GBP5: variants seen among roughly 807,000 people sequenced by gnomAD.
GBP5 encodes the protein guanylate binding protein 5.
GBP5 carries 48 observed loss-of-function variants against 58.2 expected under a neutral mutation model. The ratio of observed to expected loss-of-function variants is 0.83; its 90% CI spans 0.65 to 1.05. The LOEUF (loss-of-function observed/expected upper bound fraction) is 1.05, where lower values mean the gene tolerates loss of function less well. Ranked by LOEUF, GBP5 falls within the 50% of genes least tolerant of loss-of-function variation. The pLI is 0.00. For missense variants in GBP5, 714 were observed against 686.8 expected, an observed-to-expected ratio of 1.04 and a Z score of -0.44; for synonymous variants, 248 against 251.8, an observed-to-expected ratio of 0.98 and a Z score of 0.14.
In GBP5 at chr1:89,263,636, C is replaced by A; in HGVS notation, c.1362+100G>T. The A allele has an allele frequency of 5.3e-6, 4 of 751,910 alleles. No individual in the cohort carries two copies. In the South Asian group the frequency reaches 6.2e-5, roughly 12 times the overall value. The allele number at this position is 751,910 out of a possible 1,614,324, so 46.6% of individuals were successfully genotyped here. ...GATTACTACTAGACAGAGACATAAACCTCATCTGTGTGCCTGTATACATGG... is the reference window on the plus strand; with the variant it reads ...GATTACTACTAGACAGAGACATAAAACTCATCTGTGTGCCTGTATACATGG... On this transcript the variant is annotated intron_variant, in intron 9 of 11. Coordinates refer to ENST00000370459, the MANE Select transcript of GBP5 (RefSeq NM_052942.5).
At chr1:89,265,031 T>C (rs991221921) in intron 7 of GBP5, 65 bp from the exon 8 acceptor site, 1 of 1,456,028 alleles carries the variant, frequency 6.9e-7, no homozygotes, top group Non-Finnish European at 9.5e-7. Context: ...ATACAGTAAT[T>C]TCTGAGAACG....
At chr1:89,266,622 G>A (rs1251865475) in intron 6 of GBP5, 34 bp from the exon 7 acceptor site, 1 of 1,561,358 alleles carries the variant, frequency 6.4e-7, no homozygotes, top group Non-Finnish European at 8.7e-7. Flanking sequence ...ATTTAGCATA[G>A]ACTTTGCACT....
chr1:89,262,710 G>C lies in GBP5; in HGVS notation c.1438C>G (p.Leu480Val). ...SHAILQTDQA[L>V]TETEKKKKEA... ...TTCTTCTTTTTTTCCGTCTCTGTGA[G>C]AGCCTGGTCAGTCTGTAATATTGCA... Residue 480 changes from leucine (L) to valine (V), a missense_variant, in exon 10 of 12, where the codon CTC becomes GTC. Transcript: ENST00000370459. 9 of 1,607,676 alleles carry C rather than the reference G, an allele frequency of 5.6e-6. No homozygotes were observed. Among genetic ancestry groups the C allele is most frequent in the Non-Finnish European group, 7.7e-6 (9 of 1,176,026 alleles).
chr1:89,266,679 A>G, intron 6 of GBP5, 91 bp from the exon 7 acceptor site: 2 of 1,198,824 alleles, frequency 1.7e-6, no homozygotes, highest in South Asian at 1.5e-5. Flanking sequence ...ACCTGATGTC[A>G]CTTAGATTAA....
chr1:89,262,248 T>G lies in GBP5; in HGVS notation c.1619A>C (p.Gln540Pro). The G allele has an allele frequency of 6.2e-7, 1 of 1,614,218 alleles. No individual in the cohort carries two copies. Among genetic ancestry groups the G allele is most frequent in the Non-Finnish European group, 8.5e-7 (1 of 1,180,018 alleles). The change falls in exon 11 of 12, where the codon CAA (glutamine) becomes CCA (proline). Residue 540 changes from glutamine to proline, a missense_variant. Transcript: ENST00000370459. Reference sequence around the variant, plus strand: ...CATCTGTTGTTCCTGCATTTTCTGTTGCTCTGCCAGCCAATTTTGTTTGGC... The same window carrying G: ...CATCTGTTGTTCCTGCATTTTCTGTGGCTCTGCCAGCCAATTTTGTTTGGC... ...EIAKQNWLAE[Q>P]QKMQEQQMQE...
intron 8 of GBP5, 129 bp downstream of exon 8, chr1:89,264,557 G>T: frequency 2.6e-6 from 2 of 761,186 alleles, no homozygotes; most frequent in Non-Finnish European, 4.3e-6. Context: ...AATAAAAGTG[G>T]TGTCATGGCT....
In GBP5 at chr1:89,259,297, T is replaced by G. The variant is rs1373637643; in HGVS notation, c.*1407A>C. Reference sequence around the variant, plus strand: ...AAGAAAAGGCTTCTTCTTTAGCCCTTAAGCCTATGACACAATTTCCATGCT... The same window carrying G: ...AAGAAAAGGCTTCTTCTTTAGCCCTGAAGCCTATGACACAATTTCCATGCT... On this transcript the variant is annotated 3_prime_UTR_variant, in exon 12 of 12. Coordinates refer to ENST00000370459, the MANE Select transcript of GBP5 (RefSeq NM_052942.5). 1 of 152,216 alleles carries G rather than the reference T, an allele frequency of 6.6e-6. No homozygotes were observed. The highest frequency in any genetic ancestry group is 1.5e-5 in the Non-Finnish European group (1 of 68,032). The allele number at this position is 152,216 out of a possible 1,614,324, so 9.4% of individuals were successfully genotyped here.
At chr1:89,265,044 C>T (rs1398662089) in intron 7 of GBP5, 78 bp from the exon 8 acceptor site, 3 of 1,339,180 alleles carry the variant, frequency 2.2e-6, no homozygotes, top group Non-Finnish European at 3.1e-6. Flanking sequence ...TGAGAACGTA[C>T]ATTTAATAGT....
In GBP5 at chr1:89,257,146, T is replaced by A. The variant is rs1649813335; in HGVS notation, c.*3558A>T. 6.6e-6 allele frequency among the ~76,000 whole-genome samples: 1 copy of A among 152,182 alleles called. No individual in the cohort carries two copies. Among genetic ancestry groups the A allele is most frequent in the Admixed American group, 6.5e-5 (1 of 15,274 alleles). On this transcript the variant is annotated 3_prime_UTR_variant, in exon 12 of 12. Coordinates refer to ENST00000370459, the MANE Select transcript of GBP5 (RefSeq NM_052942.5). ...AAGAAATACTCAAGACTGGGTAATT[T>A]ATAAAGGAAAAGAGATGTAATGGAC... is the stretch of plus-strand genomic sequence containing the variant.
chr1:89,267,303 T>A (rs1650260415), intron 5 of GBP5, 114 bp downstream of exon 5: 2 of 977,492 alleles, frequency 2.0e-6, no homozygotes, highest in East Asian at 5.1e-5. Context: ...TCTTTGTACT[T>A]TCAATGTTTA....
rs1387242027 is a variant in GBP5, at chr1:89,262,239, A to G, written c.1628T>C (p.Met543Thr). The change falls in exon 11 of 12, where the codon ATG (methionine) becomes ACG (threonine). Residue 543 changes from methionine (M) to threonine (T), a missense_variant. By Grantham distance (81) the Met-to-Thr change is moderately conservative. Transcript: ENST00000370459. ...GAATACCTGCATCTGTTGTTCCTGC[A>G]TTTTCTGTTGCTCTGCCAGCCAATT... ...KQNWLAEQQK[M>T]QEQQMQEQAA... The G allele has an allele frequency of 1.9e-6, 3 of 1,613,976 alleles. No individual in the cohort carries two copies. Among genetic ancestry groups the G allele is most frequent in the East Asian group, 2.2e-5 (1 of 44,880 alleles).
Position 89,257,792 on chromosome 1 carries a change from A to C in GBP5, c.*2912T>G, listed in dbSNP as rs1422433568. ...TTTGTACTTGTTTCCTATTGCTGCT[A>C]TAACAAATTATTACTAATTTTGTGG... On this transcript the variant is annotated 3_prime_UTR_variant, in exon 12 of 12. Transcript: ENST00000370459. Among the ~76,000 whole-genome samples, 1 of 152,206 alleles carries C rather than the reference A, an allele frequency of 6.6e-6. No homozygotes were observed. The highest frequency in any genetic ancestry group is 2.4e-5 in the African/African-American group (1 of 41,446).
Position 89,264,711 on chromosome 1 carries a change from T to C in GBP5, c.1124A>G (p.Asp375Gly), listed in dbSNP as rs766185031. 5 of 1,613,992 alleles carry C rather than the reference T, an allele frequency of 3.1e-6. No individual in the cohort carries two copies. The highest frequency in any genetic ancestry group is 1.3e-5 in the African/African-American group (1 of 74,922). ...CTCCAATTCTTTCTGGAAACTTTGG[T>C]CTACATCCTTGAAAGAGTTTTTCAT... ...VFMKNSFKDV[D>G]QSFQKELETL... The change falls in exon 8 of 12, where the codon GAC becomes GGC. Residue 375 changes from aspartate to glycine, a missense_variant. Physicochemically the swap from Asp to Gly is moderately conservative, Grantham distance 94 (BLOSUM62 -1). Coordinates refer to ENST00000370459, the MANE Select transcript of GBP5 (RefSeq NM_052942.5).
rs1650113645 is a variant in GBP5, at chr1:89,263,968, C to G, written c.1150-20G>C. On this transcript the variant is annotated intron_variant, in intron 8 of 11. Coordinates refer to ENST00000370459, the MANE Select transcript of GBP5 (RefSeq NM_052942.5). ...TAGAGTCTTCAAAGAGACAAAAACCCATGGAAAAGATGTTAGCAATACTTC... is the reference window on the plus strand; with the variant it reads ...TAGAGTCTTCAAAGAGACAAAAACCGATGGAAAAGATGTTAGCAATACTTC... 2 of 1,419,840 alleles carry G rather than the reference C, an allele frequency of 1.4e-6. No homozygotes were observed. The highest frequency in any genetic ancestry group is 3.5e-5 in the Admixed American group (2 of 57,446). 88.0% of individuals were successfully genotyped at this position (1,419,840 alleles called of 1,614,324 possible).
rs1187137570 is a variant in GBP5, at chr1:89,260,825, GT to G, written c.1648-9del. 1 of 1,602,160 alleles carries G rather than the reference GT, an allele frequency of 6.2e-7. No homozygotes were observed. Among genetic ancestry groups the G allele is most frequent in the Non-Finnish European group, 8.6e-7 (1 of 1,169,558 alleles). On this transcript the variant is annotated splice_polypyrimidine_tract_variant and intron_variant, in intron 11 of 11. Coordinates refer to ENST00000370459, the MANE Select transcript of GBP5 (RefSeq NM_052942.5). ...GAGCTGTGCAGCCTGTTCCTAAAGA[GT>G]GATAAATAGAAAGTAAGATCAAGCT...
rs1372662624 is a variant in GBP5 at position 89,267,003 on chromosome 1, A to T, written c.579T>A (p.Leu193=). The T allele has an allele frequency of 6.2e-6, 10 of 1,612,132 alleles. No homozygotes were observed. The highest frequency in any genetic ancestry group is 7.6e-6 in the Non-Finnish European group (9 of 1,179,656). ...FCLGLEIDGQ[L]VTPDEYLENS... ...TCTCCAGGTATTCATCTGGTGTGAC[A>T]AGTTGCCCATCTATTTCCAGGCCTA... is the stretch of plus-strand genomic sequence containing the variant. Residue 193 remains leucine (L), a synonymous_variant, in exon 6 of 12, where the codon CTT becomes CTA. Transcript: ENST00000370459.
chr1:89,263,725 A>G lies in GBP5; in HGVS notation c.1362+11T>C. 1 of 1,591,176 alleles carries G rather than the reference A, an allele frequency of 6.3e-7. No individual in the cohort carries two copies. ...TCAGCAATTCTCCACAATAGGTAGA[A>G]CTAGGGATACCTGTATTCCTTTCCG... On this transcript the variant is annotated intron_variant, in intron 9 of 11. Coordinates refer to ENST00000370459, the MANE Select transcript of GBP5 (RefSeq NM_052942.5).
rs924720899 is a variant in GBP5, at chr1:89,259,161, A to C, written c.*1543T>G. On this transcript the variant is annotated 3_prime_UTR_variant, in exon 12 of 12. Coordinates refer to ENST00000370459, the MANE Select transcript of GBP5 (RefSeq NM_052942.5). ...GCATTCCTTATACCACATATTTATA[A>C]GATCTAAAGGATTATAAACATATTA... 1.1e-4 allele frequency: 16 copies of C among 152,332 alleles called. 1 individual carries two copies. The South Asian group carries it at 3.3e-3, about 32-fold the overall frequency. The allele number at this position is 152,332 out of a possible 1,614,324, so 9.4% of individuals were successfully genotyped here.
chr1:89,265,557 C>A (rs1557502771), intron 7 of GBP5, among the ~76,000 whole-genome samples: 1 of 150,942 alleles, frequency 6.6e-6, no homozygotes, highest in African/African-American at 2.4e-5. Flanking sequence ...TGAAACCCCA[C>A]CTCTACTAAA....
Sources: gnomAD v4.1 joint callset for allele counts (sites outside exome capture counted in the v4.1 genomes callset) on GRCh38, gnomAD v4.1.1 for gene constraint, MANE v1.5 for transcripts, NCBI Gene and HGNC (gene_info 2026-07-23, HGNC 2026-07-21) for gene names.